The following UNC5B variants were observed in gnomAD, a reference collection of about 807,000 sequenced individuals.
UNC5B encodes the protein netrin receptor UNC5B.
UNC5B carries 56 observed loss-of-function variants against 103.7 expected under a neutral mutation model. The observed-to-expected ratio is 0.54, with a 90% CI of 0.44 to 0.67. UNC5B has a LOEUF of 0.67. UNC5B is among the 30% of genes least tolerant of loss of function. UNC5B has a pLI of 0.00. For missense variants in UNC5B, 1,194 were observed against 1,284.5 expected (o/e 0.93, Z 1.08); for synonymous variants, 577 against 542.0 (o/e 1.06, Z -0.90).
chr10:71,251,610 C>CT (rs1349750497), intron 1 of UNC5B, among the ~76,000 whole-genome samples: 15 of 152,154 alleles, frequency 9.9e-5, no homozygotes, highest in African/African-American at 2.4e-5. Context: ...TGCTGGCTGT[C>CT]TCTGGAGATC....
intron 8 of UNC5B, 147 bp from the exon 9 acceptor site, chr10:71,290,768 G>A: frequency 4.3e-6 from 4 of 929,172 alleles, no homozygotes; most frequent in East Asian, 5.3e-5. Flanking sequence ...GCCCGAGGTT[G>A]CCAGCCTGTG....
intron 16 of UNC5B, among the ~76,000 whole-genome samples, chr10:71,298,449 A>C (rs1011305792): frequency 1.3e-5 from 2 of 152,074 alleles, no homozygotes; most frequent in African/African-American, 4.8e-5. Flanking sequence ...TAGGACAGAG[A>C]ATGTGCTGCG....
chr10:71,258,466 C>G (rs530007151), intron 1 of UNC5B, among the ~76,000 whole-genome samples: 1 of 152,176 alleles, frequency 6.6e-6, no homozygotes, highest in Non-Finnish European at 1.5e-5. Context: ...ACCCATTCCT[C>G]CTCCAAGCCC....
rs559323367 is a variant in UNC5B at position 71,288,558 on chromosome 10, G to T, written c.902-10G>T. On this transcript the variant is annotated splice_polypyrimidine_tract_variant and intron_variant, in intron 6 of 16. Transcript: ENST00000335350. Reference sequence around the variant, plus strand: ...GCGTGCACATGCTCCTGTATGCCATGCTCTTACAGTCGATGGGGCGTGGAC... The same window carrying T: ...GCGTGCACATGCTCCTGTATGCCATTCTCTTACAGTCGATGGGGCGTGGAC... The T allele has an allele frequency of 6.2e-7, 1 of 1,610,038 alleles. No individual in the cohort carries two copies. Among genetic ancestry groups the T allele is most frequent in the Non-Finnish European group, 8.5e-7 (1 of 1,177,198 alleles).
At chr10:71,217,992 AC>A (rs1843371967) in intron 1 of UNC5B, 1 of 152,052 alleles carries the variant, frequency 6.6e-6, no homozygotes, top group African/African-American at 2.4e-5. Flanking sequence ...CTTGCAACTT[AC>A]CCCTTCGCGG....
Position 71,296,606 on chromosome 10 carries a change from G to A in UNC5B, c.2354G>A (p.Gly785Asp). 6.2e-7 allele frequency: 1 copy of A among 1,613,864 alleles called. No individual in the cohort carries two copies. Among genetic ancestry groups the A allele is most frequent in the Non-Finnish European group, 8.5e-7 (1 of 1,180,020 alleles). Residue 785 changes from glycine to aspartate, a missense_variant, in exon 15 of 17, where the codon GGC (glycine) becomes GAC (aspartate). Gly to Asp is a moderately conservative substitution (Grantham distance 94). Coordinates refer to ENST00000335350, the MANE Select transcript of UNC5B (RefSeq NM_170744.5). ...QEIPFYHIWSGSQKALHCTFT... is the reference protein window; with the variant it reads ...QEIPFYHIWSDSQKALHCTFT... ...ATCCCCTTCTATCACATTTGGAGTG[G>A]CAGCCAGAAGGCCCTCCACTGCACT...
chr10:71,293,655 C>T (rs753850546), intron 12 of UNC5B, 45 bp from the exon 13 acceptor site: 1 of 1,604,932 alleles, frequency 6.2e-7, no homozygotes, highest in Non-Finnish European at 8.5e-7. Flanking sequence ...TCTGGCCCAG[C>T]CTGAATAACT....
intron 1 of UNC5B, among the ~76,000 whole-genome samples, chr10:71,249,632 A>G (rs532331761): frequency 5.1e-4 from 77 of 152,230 alleles, no homozygotes; most frequent in African/African-American, 1.7e-3. Flanking sequence ...GTCCCCTGGC[A>G]TGGTCCCTGG....
Position 71,280,016 on chromosome 10 carries a change from TCA to T in UNC5B, c.280_281del (p.Gln94GlyfsTer5), listed in dbSNP as rs1491580436. On this transcript the variant is annotated frameshift_variant, in exon 2 of 17. Coordinates refer to ENST00000335350, the MANE Select transcript of UNC5B (RefSeq NM_170744.5). LOFTEE classifies it high-confidence loss of function. ...GAGTGGGTCAGCCAGAACGACCACGTCACACAGGAAGGCCTGGATGAGGCCAC... is the reference window on the plus strand; with the variant it reads ...GAGTGGGTCAGCCAGAACGACCACGTCACAGGAAGGCCTGGATGAGGCCAC... 4 of 1,613,980 alleles carry T rather than the reference TCA, an allele frequency of 2.5e-6. No individual in the cohort carries two copies. Among genetic ancestry groups the T allele is most frequent in the Non-Finnish European group, 3.4e-6 (4 of 1,180,018 alleles).
rs142034310 is a variant in UNC5B at position 71,291,526 on chromosome 10, C to T, written c.1389C>T (p.Thr463=). Residue 463 remains threonine (T), a synonymous_variant, in exon 10 of 17, where the codon ACC becomes ACT. Transcript: ENST00000335350. ...CCGTGTATGCCCTGCAGGACTCCAC[C>T]GACAAAATCCCCATGACCAACTCTC... The part of the protein sequence containing the change: ...RGPVYALQDS[T]DKIPMTNSPL... 6.1e-5 allele frequency: 98 copies of T among 1,614,176 alleles called. No individual in the cohort carries two copies. Among genetic ancestry groups the T allele is most frequent in the African/African-American group, 4.1e-4 (31 of 75,056 alleles).
At chr10:71,222,289 A>C (rs1398066257) in intron 1 of UNC5B, among the ~76,000 whole-genome samples, 1 of 146,390 alleles carries the variant, frequency 6.8e-6, no homozygotes, top group Admixed American at 7.0e-5. Context: ...TCATCTAGCA[A>C]CTCAAGACTT....
intron 1 of UNC5B, among the ~76,000 whole-genome samples, chr10:71,276,345 G>T (rs1038329022): frequency 3.9e-5 from 6 of 152,066 alleles, no homozygotes; most frequent in African/African-American, 7.2e-5. Context: ...GCTGGTATCC[G>T]TGCAGCCTGG....
intron 1 of UNC5B, among the ~76,000 whole-genome samples, chr10:71,229,907 C>T (rs915229063): frequency 6.6e-6 from 1 of 152,164 alleles, no homozygotes; most frequent in African/African-American, 2.4e-5. Flanking sequence ...ATGCCTGTTG[C>T]TCCCAGGCAC....
At chr10:71,287,913 A>G in intron 6 of UNC5B, 148 bp downstream of exon 6, 1 of 1,097,002 alleles carries the variant, frequency 9.1e-7, no homozygotes, top group Admixed American at 3.2e-5. Flanking sequence ...CAGGCTGACT[A>G]GATGCTCTGA....
At chr10:71,239,806 C>T (rs558110112) in intron 1 of UNC5B, among the ~76,000 whole-genome samples, 8 of 152,284 alleles carry the variant, frequency 5.3e-5, no homozygotes, top group African/African-American at 1.4e-4. Flanking sequence ...CAGATTCCTC[C>T]GGTCATCTTC....
intron 8 of UNC5B, 140 bp from the exon 9 acceptor site, chr10:71,290,775 T>A (rs1482716287): frequency 9.6e-7 from 1 of 1,038,112 alleles, no homozygotes. Flanking sequence ...GTTGCCAGCC[T>A]GTGTAGGCAG....
intron 2 of UNC5B, among the ~76,000 whole-genome samples, chr10:71,282,157 T>C (rs1011965547): frequency 3.9e-5 from 6 of 152,240 alleles, no homozygotes; most frequent in African/African-American, 1.4e-4. Flanking sequence ...CTGCAAATAA[T>C]GGGCAGAGCT....
chr10:71,290,282 G>T (rs116204370), intron 8 of UNC5B, among the ~76,000 whole-genome samples: 2 of 152,008 alleles, frequency 1.3e-5, no homozygotes, highest in South Asian at 4.2e-4. Flanking sequence ...GAGGCTTCCC[G>T]CCTGGCCATG....
At position 71,242,032 on chromosome 10, in the gene UNC5B, GCA is replaced by G. The variant is rs536060515; in HGVS notation, c.79+28971_79+28972del. 9.9e-5 allele frequency among the ~76,000 whole-genome samples: 15 copies of G among 152,270 alleles called. 1 individual carries two copies. The South Asian group carries it at 3.1e-3, about 32-fold the overall frequency. ...ACACGACCTGGTGCTCAGAGAGGCT[GCA>G]CAGAGGCCCAGCTTGCTGGTCGGCT... On this transcript the variant is annotated intron_variant, in intron 1 of 16. Coordinates refer to ENST00000335350, the MANE Select transcript of UNC5B (RefSeq NM_170744.5).
Sources: allele counts gnomAD v4.1 joint callset (sites outside exome capture counted in the v4.1 genomes callset), GRCh38; gene constraint gnomAD v4.1.1; transcripts MANE v1.5; gene names NCBI Gene and HGNC (gene_info 2026-07-23, HGNC 2026-07-21).